The following FAT3 variants were observed in gnomAD, a reference collection of about 807,000 sequenced individuals.
FAT3 encodes the protein protocadherin Fat 3.
A neutral mutation model predicts 310.2 loss-of-function variants in FAT3; 95 were observed. The observed-to-expected ratio is 0.31, with a 90% CI of 0.26 to 0.36. The LOEUF (loss-of-function observed/expected upper bound fraction) is 0.36, where lower values mean the gene tolerates loss of function less well. FAT3 is among the 10% of genes least tolerant of loss of function. The pLI is 1.00. For missense variants in FAT3, 5,408 were observed against 5,715.6 expected (o/e 0.95, Z 1.74); for synonymous variants, 2,314 against 2,192.9 (o/e 1.06, Z -1.54).
At chr11:92,763,158 C>CAA (rs150307018) in intron 5 of FAT3, among the ~76,000 whole-genome samples, 3 of 137,930 alleles carry the variant, frequency 2.2e-5, no homozygotes, top group South Asian at 2.3e-4. Context: ...GACTCTGTCT[C>CAA]AAAAAAAAAA....
At chr11:92,765,160 A>AAAG in intron 6 of FAT3, 71 bp downstream of exon 6, 2 of 1,338,234 alleles carry the variant, frequency 1.5e-6, no homozygotes. Flanking sequence ...AAAAAAAAAA[A>AAAG]AAAGAAAGAA....
chr11:92,438,617 C>T (rs191815637), intron 2 of FAT3, among the ~76,000 whole-genome samples: 6 of 152,050 alleles, frequency 3.9e-5, no homozygotes, highest in South Asian at 4.2e-4. Flanking sequence ...ATTTCATAAT[C>T]GAAACAATTT....
At chr11:92,581,745 T>A (rs1267032561) in intron 3 of FAT3, among the ~76,000 whole-genome samples, 1 of 151,964 alleles carries the variant, frequency 6.6e-6, no homozygotes, top group Non-Finnish European at 1.5e-5. Context: ...TATGTATACA[T>A]ACACATACAT....
At chr11:92,342,693 G>A (rs1439830829) in intron 1 of FAT3, among the ~76,000 whole-genome samples, 1 of 152,108 alleles carries the variant, frequency 6.6e-6, no homozygotes, top group Non-Finnish European at 1.5e-5. Context: ...TCCAGAGTAA[G>A]TGCTATTACT....
chr11:92,728,540 G>A (rs1033930634), intron 4 of FAT3, among the ~76,000 whole-genome samples: 5 of 152,046 alleles, frequency 3.3e-5, no homozygotes, highest in African/African-American at 9.7e-5. Context: ...TTAAAAATCG[G>A]CATATTTGTT....
intron 26 of FAT3, among the ~76,000 whole-genome samples, chr11:92,889,453 T>G (rs1171400142): frequency 2.0e-5 from 3 of 151,470 alleles, no homozygotes; most frequent in Non-Finnish European, 4.4e-5. Flanking sequence ...TAAGGTACCC[T>G]CTTTATAAAA....
chr11:92,498,463 G>GT (rs1253640417), intron 2 of FAT3: 1 of 169,708 alleles, frequency 5.9e-6, no homozygotes, highest in Non-Finnish European at 1.3e-5. Flanking sequence ...GGTGCTGAGT[G>GT]TAAGAGGTCC....
At chr11:92,248,846 T>A (rs1339704102) in intron 1 of FAT3, among the ~76,000 whole-genome samples, 1 of 152,048 alleles carries the variant, frequency 6.6e-6, no homozygotes, top group African/African-American at 2.4e-5. Flanking sequence ...TCCAAACACA[T>A]AGCTACATTA....
chr11:92,470,263 A>G (rs1951872263), intron 2 of FAT3, among the ~76,000 whole-genome samples: 1 of 152,184 alleles, frequency 6.6e-6, no homozygotes, highest in Non-Finnish European at 1.5e-5. Flanking sequence ...ACTAAAGACA[A>G]TTATTCTAGT....
intron 2 of FAT3, among the ~76,000 whole-genome samples, chr11:92,511,929 A>G (rs371095679): frequency 2.0e-5 from 3 of 152,198 alleles, no homozygotes; most frequent in East Asian, 3.9e-4. Flanking sequence ...TGAATTTCCT[A>G]TTACCAAAGA....
chr11:92,240,926 TC>T (rs921845030), intron 1 of FAT3, among the ~76,000 whole-genome samples: 30 of 151,878 alleles, frequency 2.0e-4, no homozygotes, highest in African/African-American at 6.5e-4. Flanking sequence ...CCTTGTAGAA[TC>T]CCCCCCATGC....
chr11:92,416,036 C>T (rs1189400371), intron 2 of FAT3, among the ~76,000 whole-genome samples: 1 of 139,104 alleles, frequency 7.2e-6, no homozygotes, highest in Non-Finnish European at 1.5e-5. Context: ...TGATTCAGAG[C>T]CAACCATCTC....
At chr11:92,337,074 A>G (rs575150146) in intron 1 of FAT3, among the ~76,000 whole-genome samples, 1 of 152,274 alleles carries the variant, frequency 6.6e-6, no homozygotes, top group Non-Finnish European at 1.5e-5. Context: ...GCCTCTTAAC[A>G]TCCCTGACTC....
In FAT3 at chr11:92,700,731, A is replaced by G. The variant is rs149784511; in HGVS notation, c.3669+3286A>G. 4.5e-3 allele frequency among the ~76,000 whole-genome samples: 678 copies of G among 152,232 alleles called. 4 individuals are homozygous for G. Among genetic ancestry groups the G allele is most frequent in the African/African-American group, 0.016 (649 of 41,554 alleles). ...CTCGCCACACACACCATTTCATTTA[A>G]TAAATCTGCTAAGGCTTTCAGAAAC... On this transcript the variant is annotated intron_variant, in intron 4 of 27. Transcript: ENST00000525166.
At chr11:92,506,276 G>A (rs894152769) in intron 2 of FAT3, among the ~76,000 whole-genome samples, 1 of 152,146 alleles carries the variant, frequency 6.6e-6, no homozygotes, top group Admixed American at 6.6e-5. Flanking sequence ...AGAGAAGAAA[G>A]GTGGTTGTAG....
chr11:92,648,478 T>G (rs1223517804), intron 3 of FAT3, among the ~76,000 whole-genome samples: 1 of 152,142 alleles, frequency 6.6e-6, no homozygotes, highest in Non-Finnish European at 1.5e-5. Flanking sequence ...AGCGTTCAGG[T>G]GAAGAGAGCC....
intron 2 of FAT3, among the ~76,000 whole-genome samples, chr11:92,514,235 T>A (rs552419813): frequency 4.5e-4 from 68 of 152,348 alleles, no homozygotes; most frequent in African/African-American, 1.5e-3. Flanking sequence ...TCTGTGTATC[T>A]ACTTATTCAT....
chr11:92,476,362 G>T (rs1193323711), intron 2 of FAT3, among the ~76,000 whole-genome samples: 3 of 152,040 alleles, frequency 2.0e-5, no homozygotes, highest in African/African-American at 7.2e-5. Context: ...AGTACATTTG[G>T]GTTGTAAGGA....
intron 2 of FAT3, among the ~76,000 whole-genome samples, chr11:92,470,900 A>C (rs1013955024): frequency 2.0e-5 from 3 of 152,232 alleles, no homozygotes; most frequent in African/African-American, 7.2e-5. Flanking sequence ...TTTAGAAAAA[A>C]TAAGAATAAA....
Sources: gnomAD v4.1 joint callset for allele counts (sites outside exome capture counted in the v4.1 genomes callset) on GRCh38, gnomAD v4.1.1 for gene constraint, MANE v1.5 for transcripts, NCBI Gene and HGNC (gene_info 2026-07-23, HGNC 2026-07-21) for gene names.